Variants in IGF2 observed in about 807,000 individuals in gnomAD.
IGF2 encodes the protein insulin-like growth factor 2.
IGF2 carries 2 observed loss-of-function variants against 12.0 expected under a neutral mutation model. The ratio of observed to expected loss-of-function variants is 0.17; its 90% CI spans 0.07 to 0.52. The LOEUF is 0.52. Among genes scored for constraint, IGF2 ranks in the 20% least tolerant of loss-of-function variants. The pLI is 0.95. For missense variants in IGF2, 211 were observed against 268.0 expected (o/e 0.79, Z 1.48); for synonymous variants, 105 against 110.1 (o/e 0.95, Z 0.29).
chr11:2,143,353 G>A (rs994504563), upstream of IGF2, among the ~76,000 whole-genome samples: 2 of 150,450 alleles, frequency 1.3e-5, no homozygotes, highest in Non-Finnish European at 3.0e-5. Flanking sequence ...GGGGCGCGGG[G>A]GTGGGGTGGG....
chr11:2,135,306 G>A (rs3213225), intron 2 of IGF2, 61 bp downstream of exon 2: 844,124 of 1,430,540 alleles, frequency 0.59, 254,737 homozygotes, highest in Admixed American at 0.7. Context: ...GAGGTTGGGC[G>A]TCCTCACCGG....
At chr11:2,139,777 A>G (rs542772688), upstream of IGF2, among the ~76,000 whole-genome samples, 1,109 of 151,770 alleles carry the variant, frequency 7.3e-3, 9 homozygotes, top group Non-Finnish European at 0.012. Flanking sequence ...GCGGGCTCCC[A>G]GCGCCCCACC....
At chr11:2,140,611 C>A, upstream of IGF2, 1 of 519,022 alleles carries the variant, frequency 1.9e-6, no homozygotes, top group South Asian at 1.7e-5. Flanking sequence ...TTGGGACCCT[C>A]CAGCCGCTTT....
chr11:2,131,977 CGTGT>C lies in IGF2; in HGVS notation c.*1006_*1009del. ...TGTGTGCTGTGTGTGCATGTGTGTG[CGTGT>C]GTGTGCTGTGCGTTTGTGTGTGTGC... On this transcript the variant is annotated 3_prime_UTR_variant, in exon 4 of 4. Coordinates refer to ENST00000416167, the MANE Select transcript of IGF2 (RefSeq NM_000612.6). 1.0e-5 allele frequency: 1 copy of C among 96,838 alleles called. No individual in the cohort carries two copies. The highest frequency in any genetic ancestry group is 1.6e-4 in the East Asian group (1 of 6,312). 6.0% of individuals were successfully genotyped at this position (96,838 alleles called of 1,614,324 possible).
Position 2,133,714 on chromosome 11 carries a change from C to T in IGF2, c.158-49G>A. 1 of 1,603,000 alleles carries T rather than the reference C, an allele frequency of 6.2e-7. No homozygotes were observed. The highest frequency in any genetic ancestry group is 1.1e-5 in the South Asian group (1 of 89,676). ...GAGCCGTGTTAGCACCGCACTGACC[C>T]CAGCCCCCGGAGGCTGAAGGGGGAG... is the stretch of plus-strand genomic sequence containing the variant. On this transcript the variant is annotated intron_variant, in intron 2 of 3. Coordinates refer to ENST00000416167, the MANE Select transcript of IGF2 (RefSeq NM_000612.6). This position sits in a 1 kb window ranked among gnomAD's most constrained non-coding sequence, Gnocchi z 8.9.
chr11:2,131,723 G>T lies in IGF2; in HGVS notation c.*1264C>A. Reference sequence around the variant, plus strand: ...TGTGCTGTGTGTGCTGTGTTCGTGTGTGCTGTGTTCGCGTGTGTGTGCTGT... The same window carrying T: ...TGTGCTGTGTGTGCTGTGTTCGTGTTTGCTGTGTTCGCGTGTGTGTGCTGT... On this transcript the variant is annotated 3_prime_UTR_variant, in exon 4 of 4. Coordinates refer to ENST00000416167, the MANE Select transcript of IGF2 (RefSeq NM_000612.6). 9.2e-6 allele frequency: 2 copies of T among 218,422 alleles called. No individual in the cohort carries two copies. Among genetic ancestry groups the T allele is most frequent in the Non-Finnish European group, 1.8e-5 (2 of 110,336 alleles). The allele number at this position is 218,422 out of a possible 1,614,324, so 13.5% of individuals were successfully genotyped here.
chr11:2,141,728 G>T (rs1859611804), upstream of IGF2, among the ~76,000 whole-genome samples: 1 of 152,180 alleles, frequency 6.6e-6, no homozygotes, highest in Non-Finnish European at 1.5e-5. Flanking sequence ...CATAATTACT[G>T]TGGCTTCAGG....
chr11:2,149,426 T>C, the IGF2 span: 9 of 1,182,884 alleles, frequency 7.6e-6, no homozygotes, highest in East Asian at 2.4e-5. Context: ...CCGCTGAGCA[T>C]GGCACCTGCT....
chr11:2,135,035 GC>G (rs1858899003), intron 2 of IGF2, among the ~76,000 whole-genome samples: 1 of 152,248 alleles, frequency 6.6e-6, no homozygotes, highest in Admixed American at 6.5e-5. Flanking sequence ...AGAGCCTGAA[GC>G]CCTGCACTAG....
At chr11:2,149,110 A>C in the IGF2 span, 1 of 1,608,742 alleles carries the variant, frequency 6.2e-7, no homozygotes, top group South Asian at 1.1e-5. Flanking sequence ...CACTCAAGGG[A>C]TGGGAGCCCA....
At chr11:2,144,833 G>T (rs924925249), upstream of IGF2, among the ~76,000 whole-genome samples, 17 of 152,046 alleles carry the variant, frequency 1.1e-4, 1 homozygote, top group Non-Finnish European at 1.5e-5. Context: ...GGGATCCTGG[G>T]GCAACTACAG....
Position 2,132,703 on chromosome 11 carries a change from GTGGGGATAAT to G in IGF2, c.*274_*283del, listed in dbSNP as rs1440701095. The G allele has an allele frequency of 1.7e-5, 5 of 298,410 alleles. No homozygotes were observed. Among genetic ancestry groups the G allele is most frequent in the African/African-American group, 9.6e-5 (4 of 41,462 alleles). 18.5% of individuals were successfully genotyped at this position (298,410 alleles called of 1,614,324 possible). On this transcript the variant is annotated 3_prime_UTR_variant, in exon 4 of 4. Coordinates refer to ENST00000416167, the MANE Select transcript of IGF2 (RefSeq NM_000612.6). ...AGTTTAATGTTTTGATTTTTTATGT[GTGGGGATAAT>G]TGGGGATAATTTGGGGGGAGGGTAT...
At chr11:2,145,390 G>T (rs2133633827), upstream of IGF2, among the ~76,000 whole-genome samples, 1 of 152,348 alleles carries the variant, frequency 6.6e-6, no homozygotes, top group Non-Finnish European at 1.5e-5. Context: ...CAAAACCAGG[G>T]CCCCCAGGGC....
At chr11:2,140,857 C>G, upstream of IGF2, 1 of 349,724 alleles carries the variant, frequency 2.9e-6, no homozygotes, top group Non-Finnish European at 5.5e-6. Flanking sequence ...GGGAGCTCAC[C>G]GCGAAGCTGG....
the IGF2 span, chr11:2,149,318 G>C: frequency 2.5e-5 from 40 of 1,612,796 alleles, no homozygotes; most frequent in African/African-American, 4.8e-4. Context: ...CCAGGTTGAC[G>C]TGGAGGAGGA....
chr11:2,134,512 CT>C (rs891276800), intron 2 of IGF2, among the ~76,000 whole-genome samples: 2 of 152,270 alleles, frequency 1.3e-5, no homozygotes, highest in Admixed American at 1.3e-4. Flanking sequence ...GCAGCAGGAA[CT>C]TTTCAGAGAG....
chr11:2,141,332 G>C (rs1040348379), upstream of IGF2: 1 of 152,468 alleles, frequency 6.6e-6, no homozygotes, highest in East Asian at 1.9e-4. Flanking sequence ...GTGTCCTGGA[G>C]GAGGGGACCC....
Position 2,129,726 on chromosome 11 carries a change from C to A in IGF2, c.*3261G>T. ...GGCATGGACGACCCCCGGGGTCATGCCAGCCCCGTCACCAGGACCCAGAAG... is the reference window on the plus strand; with the variant it reads ...GGCATGGACGACCCCCGGGGTCATGACAGCCCCGTCACCAGGACCCAGAAG... On this transcript the variant is annotated 3_prime_UTR_variant, in exon 4 of 4. Coordinates refer to ENST00000416167, the MANE Select transcript of IGF2 (RefSeq NM_000612.6). The surrounding 1 kb of genome is among the most constrained non-coding windows in gnomAD (Gnocchi z 8.1). 4.3e-6 allele frequency: 1 copy of A among 231,832 alleles called. No homozygotes were observed. Among genetic ancestry groups the A allele is most frequent in the Non-Finnish European group, 8.5e-6 (1 of 117,028 alleles). The allele number at this position is 231,832 out of a possible 1,614,324, so 14.4% of individuals were successfully genotyped here.
At position 2,131,566 on chromosome 11, in the gene IGF2, TTTG is replaced by T. The variant is rs1376325883; in HGVS notation, c.*1418_*1420del. 97 of 166,886 alleles carry T rather than the reference TTTG, an allele frequency of 5.8e-4. No individual in the cohort carries two copies. The highest frequency in any genetic ancestry group is 5.6e-3 in the East Asian group (75 of 13,310). The allele number at this position is 166,886 out of a possible 1,614,324, so 10.3% of individuals were successfully genotyped here. ...TGTGTGTGCATGTGTGTGCTGTGTGTTTGTGTGTGTGCTGTGTTCATGTGTGCT... is the reference window on the plus strand; with the variant it reads ...TGTGTGTGCATGTGTGTGCTGTGTGTTGTGTGTGCTGTGTTCATGTGTGCT... On this transcript the variant is annotated 3_prime_UTR_variant, in exon 4 of 4. Transcript: ENST00000416167.
Sources: allele counts gnomAD v4.1 joint callset (sites outside exome capture counted in the v4.1 genomes callset), GRCh38; gene constraint gnomAD v4.1.1; non-coding constraint Gnocchi (gnomAD v3.1); transcripts MANE v1.5; gene names NCBI Gene and HGNC (gene_info 2026-07-23, HGNC 2026-07-21).